Variants in PRDM16 observed in about 807,000 individuals in gnomAD.
PRDM16 encodes histone-lysine N-methyltransferase PRDM16.
PRDM16 carries 23 observed loss-of-function variants against 110.6 expected under a neutral mutation model. The observed-to-expected ratio is 0.21, with a 90% CI of 0.15 to 0.29. The LOEUF is 0.29. Ranked by LOEUF, PRDM16 falls within the 10% of genes least tolerant of loss-of-function variation. The pLI is 1.00. For missense variants in PRDM16, 1,615 were observed against 1,794.3 expected (o/e 0.90, Z 1.81); for synonymous variants, 799 against 781.8 (o/e 1.02, Z -0.37).
intron 1 of PRDM16, among the ~76,000 whole-genome samples, chr1:3,135,524 G>C (rs1643419680): frequency 6.6e-6 from 1 of 152,138 alleles, no homozygotes; most frequent in South Asian, 2.1e-4. Flanking sequence ...GGGGCTGCAG[G>C]CTTGCGCTGG....
chr1:3,187,170 C>T (rs771872182), intron 2 of PRDM16, among the ~76,000 whole-genome samples: 17 of 152,154 alleles, frequency 1.1e-4, no homozygotes, highest in African/African-American at 3.1e-4. Flanking sequence ...CGCTAGGCCC[C>T]GGTGTTGGGG....
At position 3,390,603 on chromosome 1, in the gene PRDM16, G is replaced by A. The variant is rs1643282006; in HGVS notation, c.573+5317G>A. 6.6e-6 allele frequency among the ~76,000 whole-genome samples: 1 copy of A among 152,138 alleles called. No homozygotes were observed. Among genetic ancestry groups the A allele is most frequent in the Admixed American group, 6.5e-5 (1 of 15,282 alleles). ...GCCGGTGGCCAGGCAGCACCGCGTGGACAAGAGCCCGCGCGGGTTGTTCAT... is the reference window on the plus strand; with the variant it reads ...GCCGGTGGCCAGGCAGCACCGCGTGAACAAGAGCCCGCGCGGGTTGTTCAT... On this transcript the variant is annotated intron_variant, in intron 4 of 16. Coordinates refer to ENST00000270722, the MANE Select transcript of PRDM16 (RefSeq NM_022114.4). The surrounding 1 kb of genome is among the most constrained non-coding windows in gnomAD (Gnocchi z 5.0).
chr1:3,239,931 G>C (rs1481101630), intron 2 of PRDM16, among the ~76,000 whole-genome samples: 1 of 151,576 alleles, frequency 6.6e-6, no homozygotes, highest in African/African-American at 2.4e-5. Context: ...CTGGAGGCTG[G>C]GGGTGGGCGG....
intron 2 of PRDM16, among the ~76,000 whole-genome samples, chr1:3,199,313 A>G (rs1043034989): frequency 2.0e-5 from 3 of 152,196 alleles, no homozygotes; most frequent in Non-Finnish European, 4.4e-5. Context: ...GCAGGGGCAC[A>G]AAAATAAAAC....
At chr1:3,315,248 C>T (rs879238953) in intron 3 of PRDM16, among the ~76,000 whole-genome samples, 2 of 150,626 alleles carry the variant, frequency 1.3e-5, no homozygotes, top group East Asian at 1.9e-4. Flanking sequence ...GTCTACAGCG[C>T]AACTCCACAG....
chr1:3,086,804 G>A (rs151159718), intron 1 of PRDM16, among the ~76,000 whole-genome samples: 3 of 152,250 alleles, frequency 2.0e-5, no homozygotes, highest in African/African-American at 7.2e-5. Flanking sequence ...GGAGCATGCC[G>A]TTAATTAGGC....
At chr1:3,259,612 A>C (rs531510943) in intron 3 of PRDM16, among the ~76,000 whole-genome samples, 1 of 152,276 alleles carries the variant, frequency 6.6e-6, no homozygotes, top group Admixed American at 6.5e-5. Flanking sequence ...TGAAACCCAG[A>C]CCAACTAGTG....
Position 3,433,834 on chromosome 1 carries a change from G to T in PRDM16, c.*23G>T. ...TGACGGGCTGGGCAGCCGGGGGCCG[G>T]TGGCCAGAGCGAGGGCACCAGCCAC... On this transcript the variant is annotated 3_prime_UTR_variant, in exon 17 of 17. Coordinates refer to ENST00000270722, the MANE Select transcript of PRDM16 (RefSeq NM_022114.4). The T allele has an allele frequency of 6.2e-7, 1 of 1,610,822 alleles. No individual in the cohort carries two copies. Among genetic ancestry groups the T allele is most frequent in the Non-Finnish European group, 8.5e-7 (1 of 1,179,446 alleles).
At position 3,411,340 on chromosome 1, in the gene PRDM16, G is replaced by A. The variant is rs111486045; in HGVS notation, c.1187-44G>A. ...TGTGGCGTTTTCAGCAGGGTTTCCC[G>A]GTCATTTCATGCGGGTTTGTCTTGG... is the stretch of plus-strand genomic sequence containing the variant. On this transcript the variant is annotated intron_variant, in intron 8 of 16. Transcript: ENST00000270722. 6,372 of 1,564,496 alleles carry A rather than the reference G, an allele frequency of 4.1e-3. 47 individuals carry two copies. Among genetic ancestry groups the A allele is most frequent in the Non-Finnish European group, 3.8e-3 (4,396 of 1,147,850 alleles).
At chr1:3,152,910 C>T (rs1643801825) in intron 1 of PRDM16, among the ~76,000 whole-genome samples, 1 of 152,202 alleles carries the variant, frequency 6.6e-6, no homozygotes, top group African/African-American at 2.4e-5. Context: ...CTCTACCAAG[C>T]CCAGACCAGA....
intron 2 of PRDM16, among the ~76,000 whole-genome samples, chr1:3,210,832 A>C (rs1638867672): frequency 6.6e-6 from 1 of 152,204 alleles, no homozygotes; most frequent in Non-Finnish European, 1.5e-5. Flanking sequence ...TATTCATGAG[A>C]TATTTGTTTA....
At position 3,302,221 on chromosome 1, in the gene PRDM16, G is replaced by A. The variant is rs192243919; in HGVS notation, c.438+58084G>A. Among the ~76,000 whole-genome samples the A allele has an allele frequency of 4.1e-3, 617 of 152,114 alleles. 3 individuals are homozygous for A. The highest frequency in any genetic ancestry group is 6.0e-3 in the Non-Finnish European group (406 of 68,006). ...TAGAAACCCCTTATCTAACACAGGC[G>A]TCTCCGAGATTTCCCGGGGTTGGTT... is the stretch of plus-strand genomic sequence containing the variant. On this transcript the variant is annotated intron_variant, in intron 3 of 16. Coordinates refer to ENST00000270722, the MANE Select transcript of PRDM16 (RefSeq NM_022114.4).
rs552386399 is a variant in PRDM16 at position 3,408,909 on chromosome 1, C to T, written c.1187-2475C>T. Among the ~76,000 whole-genome samples the T allele has an allele frequency of 8.8e-4, 116 of 132,144 alleles. 3 individuals are homozygous for T. The South Asian group carries it at 0.025, about 28-fold the overall frequency. 86.7% of individuals were successfully genotyped at this position (132,144 alleles called of 152,430 possible). ...GTGTGTGAGAGCGCATGAGGGTGGG[C>T]GTGTGAGCCAGTGCTTGTGTTGGCA... On this transcript the variant is annotated intron_variant, in intron 8 of 16. Transcript: ENST00000270722.
chr1:3,137,423 C>A (rs916394609), intron 1 of PRDM16, among the ~76,000 whole-genome samples: 1 of 152,204 alleles, frequency 6.6e-6, no homozygotes, highest in Non-Finnish European at 1.5e-5. Flanking sequence ...GTGGTGGCTG[C>A]CAGGGGACAC....
At chr1:3,341,289 C>G (rs1642266820) in intron 3 of PRDM16, among the ~76,000 whole-genome samples, 1 of 152,178 alleles carries the variant, frequency 6.6e-6, no homozygotes. Context: ...AAGGGTAGGT[C>G]TCAGAGGGAG....
chr1:3,324,709 C>T (rs1431462475), intron 3 of PRDM16, among the ~76,000 whole-genome samples: 1 of 151,866 alleles, frequency 6.6e-6, no homozygotes, highest in Non-Finnish European at 1.5e-5. Flanking sequence ...GGATCTAAAG[C>T]ACAGATGTCC....
intron 3 of PRDM16, among the ~76,000 whole-genome samples, chr1:3,325,408 C>A (rs1344099795): frequency 6.6e-6 from 1 of 152,180 alleles, no homozygotes; most frequent in Non-Finnish European, 1.5e-5. Flanking sequence ...GGACCGAGTC[C>A]TTGTGGCAGA....
chr1:3,326,920 C>T lies in PRDM16; in HGVS notation c.439-58232C>T, dbSNP rs574178709. 5.3e-5 allele frequency among the ~76,000 whole-genome samples: 8 copies of T among 152,338 alleles called. No individual in the cohort carries two copies. In the East Asian group the frequency reaches 1.6e-3, roughly 30 times the overall value. ...CTCCTCTGTCTCTGAGGGAAAATCCCTCTACAGGAATCAGCTTTCAGGCCC... is the reference window on the plus strand; with the variant it reads ...CTCCTCTGTCTCTGAGGGAAAATCCTTCTACAGGAATCAGCTTTCAGGCCC... On this transcript the variant is annotated intron_variant, in intron 3 of 16. Transcript: ENST00000270722.
intron 2 of PRDM16, among the ~76,000 whole-genome samples, chr1:3,225,952 G>GA (rs1227491381): frequency 6.6e-6 from 1 of 152,232 alleles, no homozygotes; most frequent in Non-Finnish European, 1.5e-5. Context: ...AGGTGAGGCT[G>GA]ATTCTCCTGC....
Sources: gnomAD v4.1 joint callset for allele counts (sites outside exome capture counted in the v4.1 genomes callset) on GRCh38, gnomAD v4.1.1 for gene constraint, Gnocchi (gnomAD v3.1) non-coding constraint, MANE v1.5 for transcripts, NCBI Gene and HGNC (gene_info 2026-07-23, HGNC 2026-07-21) for gene names.